Variants in MCCC2 observed in about 807,000 individuals in gnomAD.
MCCC2 encodes methylcrotonoyl-CoA carboxylase beta chain, mitochondrial.
MCCC2 carries 52 observed loss-of-function variants against 77.2 expected under a neutral mutation model. The observed-to-expected ratio is 0.67, with a 90% confidence interval of 0.54 to 0.85. MCCC2 has a LOEUF of 0.85. Ranked by LOEUF, MCCC2 falls within the 40% of genes least tolerant of loss-of-function variation. The pLI is 0.00. For missense variants in MCCC2, 682 were observed against 703.2 expected, an observed-to-expected ratio of 0.97 and a Z score of 0.34; for synonymous variants, 253 against 248.4, an observed-to-expected ratio of 1.02 and a Z score of -0.18.
chr5:71,592,322 A>C (rs1211596761), intron 1 of MCCC2, among the ~76,000 whole-genome samples: 1 of 152,198 alleles, frequency 6.6e-6, no homozygotes, highest in East Asian at 1.9e-4. Flanking sequence ...CGGAGGTTGC[A>C]GTGAGCCGAG....
chr5:71,643,955 T>C, intron 12 of MCCC2, 60 bp downstream of exon 12: 4 of 1,603,688 alleles, frequency 2.5e-6, no homozygotes, highest in Non-Finnish European at 3.4e-6. Flanking sequence ...ACGTTGAAGG[T>C]CAAATAATGA....
intron 6 of MCCC2, among the ~76,000 whole-genome samples, chr5:71,612,027 A>T (rs1405083469): frequency 1.3e-5 from 2 of 151,662 alleles, no homozygotes; most frequent in African/African-American, 4.9e-5. Flanking sequence ...TGACCTCGTG[A>T]TCTGCCGACC....
At position 71,650,055 on chromosome 5, in the gene MCCC2, T is replaced by C; in HGVS notation, c.1374-14T>C. On this transcript the variant is annotated splice_polypyrimidine_tract_variant and intron_variant, in intron 14 of 16. Coordinates refer to ENST00000340941, the MANE Select transcript of MCCC2 (RefSeq NM_022132.5). Reference sequence around the variant, plus strand: ...ATTGACTTAATTTGTTTATTCTTCCTTTTCTTCCCCCAGCCCAAGATTTCT... The same window carrying C: ...ATTGACTTAATTTGTTTATTCTTCCCTTTCTTCCCCCAGCCCAAGATTTCT... 6.2e-7 allele frequency: 1 copy of C among 1,603,598 alleles called. No individual in the cohort carries two copies. Among genetic ancestry groups the C allele is most frequent in the Non-Finnish European group, 8.5e-7 (1 of 1,170,410 alleles).
At chr5:71,602,803 C>G in intron 5 of MCCC2, 170 bp downstream of exon 5, 1 of 958,584 alleles carries the variant, frequency 1.0e-6, no homozygotes, top group Non-Finnish European at 1.6e-6. Flanking sequence ...GGAAAGTAAA[C>G]AAGAACTGTT....
At chr5:71,595,286 T>C (rs556153171) in intron 2 of MCCC2, among the ~76,000 whole-genome samples, 2 of 147,778 alleles carry the variant, frequency 1.4e-5, no homozygotes, top group East Asian at 4.1e-4. Flanking sequence ...AAAATTTAGC[T>C]GGAGTGGTGG....
intron 10 of MCCC2, 27 bp downstream of exon 10, chr5:71,635,273 T>C (rs1746877713): frequency 6.3e-7 from 1 of 1,590,220 alleles, no homozygotes; most frequent in East Asian, 2.2e-5. Flanking sequence ...CTGTGAGCTT[T>C]ATGACCAGCT....
chr5:71,633,091 T>TTTTATATATATATATATATATA (rs1172020093), intron 8 of MCCC2, among the ~76,000 whole-genome samples: 2 of 84,258 alleles, frequency 2.4e-5, no homozygotes, highest in African/African-American at 1.0e-4. Context: ...TTTTTCAGTT[T>TTTTATATATATATATATATATA]TATATATATA....
At chr5:71,627,541 G>A (rs1453430252) in intron 7 of MCCC2, among the ~76,000 whole-genome samples, 5 of 152,208 alleles carry the variant, frequency 3.3e-5, no homozygotes, top group Non-Finnish European at 7.3e-5. Flanking sequence ...CGCTTTGAAT[G>A]TATAGGTTTT....
intron 12 of MCCC2, among the ~76,000 whole-genome samples, chr5:71,645,603 G>T (rs191631413): frequency 1.4e-4 from 22 of 152,222 alleles, no homozygotes; most frequent in African/African-American, 5.3e-4. Context: ...ATCCCAGGAG[G>T]GTTTATATTC....
intron 2 of MCCC2, among the ~76,000 whole-genome samples, chr5:71,593,626 G>A (rs985499307): frequency 3.3e-5 from 5 of 151,718 alleles, no homozygotes; most frequent in Admixed American, 2.6e-4. Context: ...TGGCTCAAGC[G>A]ATCCTCTCAT....
At chr5:71,633,110 TATATATATATATATATATA>T (rs1746784637) in intron 8 of MCCC2, among the ~76,000 whole-genome samples, 1 of 26,186 alleles carries the variant, frequency 3.8e-5, no homozygotes, top group Non-Finnish European at 1.1e-4. Context: ...TATATATATA[TATATATATATATATATATA>T]TATTTTTATT....
intron 8 of MCCC2, among the ~76,000 whole-genome samples, chr5:71,633,025 G>A (rs1334893703): frequency 7.0e-6 from 1 of 142,024 alleles, no homozygotes; most frequent in Non-Finnish European, 1.5e-5. Flanking sequence ...CTCAATAAAG[G>A]TTTTAGACTT....
chr5:71,624,456 C>T, intron 6 of MCCC2, among the ~76,000 whole-genome samples: 1 of 152,048 alleles, frequency 6.6e-6, no homozygotes. Flanking sequence ...CGGCTTACCG[C>T]AACCTGTGCC....
chr5:71,631,241 A>G (rs1291415430), intron 7 of MCCC2, among the ~76,000 whole-genome samples: 1 of 152,240 alleles, frequency 6.6e-6, no homozygotes, highest in Non-Finnish European at 1.5e-5. Context: ...TAACATGCAC[A>G]TTACTGAACT....
chr5:71,641,106 AT>A (rs1308490630), intron 11 of MCCC2, 31 bp downstream of exon 11: 4 of 1,579,006 alleles, frequency 2.5e-6, no homozygotes, highest in African/African-American at 2.7e-5. Flanking sequence ...AAATACGAAC[AT>A]TTTCTGCTGC....
rs1313296577 is a variant in MCCC2, at chr5:71,587,562, G to C, written c.129+8G>C. 3.3e-6 allele frequency: 5 copies of C among 1,533,454 alleles called. No individual in the cohort carries two copies. Among genetic ancestry groups the C allele is most frequent in the Non-Finnish European group, 3.5e-6 (4 of 1,143,312 alleles). The allele number at this position is 1,533,454 out of a possible 1,614,324, so 95.0% of individuals were successfully genotyped here. On this transcript the variant is annotated splice_region_variant and intron_variant, in intron 1 of 16. Coordinates refer to ENST00000340941, the MANE Select transcript of MCCC2 (RefSeq NM_022132.5). ...GGCTCTGCCCTCTACCAGGTAGGCT[G>C]AGCGCCCCGGTGGCCTGGCCGCCGG...
intron 7 of MCCC2, among the ~76,000 whole-genome samples, chr5:71,631,727 A>G (rs996920898): frequency 4.0e-5 from 6 of 151,584 alleles, no homozygotes; most frequent in Non-Finnish European, 7.4e-5. Context: ...TTTTTAGTAG[A>G]GACGGGGTTT....
intron 13 of MCCC2, among the ~76,000 whole-genome samples, chr5:71,648,581 T>G (rs1386755587): frequency 1.3e-5 from 2 of 152,216 alleles, no homozygotes; most frequent in African/African-American, 4.8e-5. Flanking sequence ...AAAGCCCTCA[T>G]AGTTAGGCTC....
intron 6 of MCCC2, among the ~76,000 whole-genome samples, chr5:71,609,600 G>A (rs574905212): frequency 3.1e-4 from 47 of 150,506 alleles, no homozygotes; most frequent in Admixed American, 2.3e-3. Context: ...GCTTTGTTCC[G>A]TTGCTGGTGA....
Sources: gnomAD v4.1 joint callset for allele counts (sites outside exome capture counted in the v4.1 genomes callset) on GRCh38, gnomAD v4.1.1 for gene constraint, MANE v1.5 for transcripts, NCBI Gene and HGNC (gene_info 2026-07-23, HGNC 2026-07-21) for gene names.